FRMD5: variants seen among roughly 807,000 people sequenced by gnomAD.
FRMD5 encodes the protein FERM domain containing 5.
FRMD5 carries 20 observed loss-of-function variants against 69.0 expected under a neutral mutation model. That is an observed-to-expected ratio of 0.29 (90% CI 0.20 to 0.42). The LOEUF (loss-of-function observed/expected upper bound fraction) is 0.42, where lower values mean the gene tolerates loss of function less well. Ranked by LOEUF, FRMD5 falls within the 10% of genes least tolerant of loss-of-function variation. The pLI is 1.00. For missense variants in FRMD5, 595 were observed against 708.6 expected (o/e 0.84, Z 1.82); for synonymous variants, 271 against 260.1 (o/e 1.04, Z -0.40).
chr15:43,942,985 T>C (rs1363032732), intron 1 of FRMD5, among the ~76,000 whole-genome samples: 1 of 152,176 alleles, frequency 6.6e-6, no homozygotes. Context: ...CTCACTCCTG[T>C]AATCCCAGCA....
chr15:44,012,555 T>G (rs1890765167), intron 1 of FRMD5, among the ~76,000 whole-genome samples: 1 of 152,162 alleles, frequency 6.6e-6, no homozygotes, highest in African/African-American at 2.4e-5. Context: ...TCAAAACCGG[T>G]CACTAACTTC....
intron 4 of FRMD5, chr15:43,919,160 C>A (rs368295359): frequency 2.0e-6 from 1 of 494,964 alleles, no homozygotes; most frequent in East Asian, 5.0e-5. Flanking sequence ...ACAGTGGCAA[C>A]ATCATAGGTA....
intron 1 of FRMD5, among the ~76,000 whole-genome samples, chr15:44,111,834 T>G (rs2076800177): frequency 6.6e-6 from 1 of 151,780 alleles, no homozygotes; most frequent in South Asian, 2.1e-4. Flanking sequence ...ACTGATTTGT[T>G]GAATACTTCT....
chr15:44,184,756 T>A (rs562342214), intron 1 of FRMD5, among the ~76,000 whole-genome samples: 2 of 152,328 alleles, frequency 1.3e-5, no homozygotes, highest in East Asian at 3.9e-4. Context: ...AATTGTGGAA[T>A]TCAGAAAGTG....
At chr15:44,010,337 C>T (rs1335413135) in intron 1 of FRMD5, among the ~76,000 whole-genome samples, 2 of 151,996 alleles carry the variant, frequency 1.3e-5, no homozygotes, top group Non-Finnish European at 1.5e-5. Flanking sequence ...TCTAGGATTA[C>T]AGTGATGACT....
rs1218030159 is a variant in FRMD5 at position 43,874,217 on chromosome 15, C to G, written c.1381G>C (p.Glu461Gln). The change falls in exon 14 of 14, where the codon GAA becomes CAA. Residue 461 changes from glutamate to glutamine, a missense_variant. By Grantham distance (29) the Glu-to-Gln change is conservative. Transcript: ENST00000417257. ...GATCSIEEEKESEASTPTATE... is the reference protein window; with the variant it reads ...GATCSIEEEKQSEASTPTATE... ...GCAGTTGGGGTGCTGGCTTCAGATT[C>G]CTTCTCCTCCTCAATGCTGCAGGTG... 6.2e-7 allele frequency: 1 copy of G among 1,614,242 alleles called. No individual in the cohort carries two copies. The highest frequency in any genetic ancestry group is 1.1e-5 in the South Asian group (1 of 91,082).
At chr15:44,183,289 A>G (rs1213307394) in intron 1 of FRMD5, among the ~76,000 whole-genome samples, 2 of 152,146 alleles carry the variant, frequency 1.3e-5, no homozygotes, top group African/African-American at 4.8e-5. Flanking sequence ...CTTCTGTGCC[A>G]TGCTAAAACG....
At chr15:44,087,246 T>C (rs1055905246) in intron 1 of FRMD5, among the ~76,000 whole-genome samples, 2 of 152,100 alleles carry the variant, frequency 1.3e-5, no homozygotes, top group Non-Finnish European at 2.9e-5. Context: ...CCTCAAACTC[T>C]TGACTTCAGG....
At chr15:43,919,429 T>C in intron 4 of FRMD5, 30 bp downstream of exon 4, 1 of 1,599,388 alleles carries the variant, frequency 6.3e-7, no homozygotes, top group Non-Finnish European at 8.6e-7. Flanking sequence ...CAACAGGTCC[T>C]AATGGCTGCG....
chr15:44,118,294 T>C (rs2076899200), intron 1 of FRMD5, among the ~76,000 whole-genome samples: 1 of 152,154 alleles, frequency 6.6e-6, no homozygotes, highest in South Asian at 2.1e-4. Flanking sequence ...TATTGTATTG[T>C]ACAAGGACAA....
intron 1 of FRMD5, among the ~76,000 whole-genome samples, chr15:43,940,230 G>A (rs2089838908): frequency 6.6e-6 from 1 of 152,200 alleles, no homozygotes; most frequent in Non-Finnish European, 1.5e-5. Context: ...CGTGGCATCA[G>A]ACTGTGCAAG....
chr15:44,177,491 A>G (rs2077918857), intron 1 of FRMD5, among the ~76,000 whole-genome samples: 1 of 152,204 alleles, frequency 6.6e-6, no homozygotes, highest in Admixed American at 6.5e-5. Context: ...ATTAATTAAT[A>G]TATCTAGAAT....
At chr15:43,879,998 T>C (rs1308843865) in intron 13 of FRMD5, among the ~76,000 whole-genome samples, 1 of 152,182 alleles carries the variant, frequency 6.6e-6, no homozygotes, top group Non-Finnish European at 1.5e-5. Context: ...CCCTGAGGCC[T>C]GGATAAGGGC....
At chr15:44,101,327 G>GTTT (rs2076637232) in intron 1 of FRMD5, 1 of 152,430 alleles carries the variant, frequency 6.6e-6, no homozygotes, top group Non-Finnish European at 1.5e-5. Flanking sequence ...TAGCAGGCAG[G>GTTT]GTATGAAATC....
At chr15:44,138,623 T>C (rs1299745739) in intron 1 of FRMD5, among the ~76,000 whole-genome samples, 2 of 152,112 alleles carry the variant, frequency 1.3e-5, no homozygotes, top group Non-Finnish European at 2.9e-5. Context: ...TAACAGACTC[T>C]TAGTAAAGAA....
At chr15:44,183,774 G>C (rs2140576882) in intron 1 of FRMD5, among the ~76,000 whole-genome samples, 1 of 152,180 alleles carries the variant, frequency 6.6e-6, no homozygotes, top group East Asian at 1.9e-4. Context: ...CTTAGGTCAG[G>C]AGTTCGAGAT....
At chr15:44,182,692 C>G (rs192943334) in intron 1 of FRMD5, among the ~76,000 whole-genome samples, 10 of 152,310 alleles carry the variant, frequency 6.6e-5, no homozygotes, top group African/African-American at 2.4e-4. Context: ...CTACAATCAA[C>G]ATATATTAAG....
intron 5 of FRMD5, among the ~76,000 whole-genome samples, chr15:43,908,473 C>T (rs960771164): frequency 1.3e-5 from 2 of 152,176 alleles, no homozygotes; most frequent in Admixed American, 6.5e-5. Context: ...GGCAGCCAGC[C>T]GTGGTATTTC....
At chr15:43,989,953 G>T in intron 1 of FRMD5, 1 of 1,121,562 alleles carries the variant, frequency 8.9e-7, no homozygotes, top group Non-Finnish European at 1.3e-6. Context: ...GTCCCAGGTG[G>T]TGACAATGTC....
Sources: gnomAD v4.1 joint callset for allele counts (sites outside exome capture counted in the v4.1 genomes callset) on GRCh38, gnomAD v4.1.1 for gene constraint, MANE v1.5 for transcripts, NCBI Gene and HGNC (gene_info 2026-07-23, HGNC 2026-07-21) for gene names.